Variants in ACOT2 observed in about 807,000 individuals in gnomAD.
The protein encoded by ACOT2 is acyl-CoA thioesterase 2, also known as acyl-coenzyme A thioesterase 2, mitochondrial.
A neutral mutation model predicts 20.1 loss-of-function variants in ACOT2; 15 were observed. The observed-to-expected ratio is 0.75, with a 90% confidence interval of 0.50 to 1.15. ACOT2 has a LOEUF of 1.15. Among genes scored for constraint, ACOT2 ranks in the 50% most tolerant of loss-of-function variants. The probability of loss-of-function intolerance (pLI) is 0.00; values close to 1 mark genes in which losing one functional copy is unlikely to be tolerated. For synonymous variants in ACOT2, 252 were observed against 268.4 expected, an observed-to-expected ratio of 0.94 and a Z score of 0.60; for missense variants, 479 against 615.3, an observed-to-expected ratio of 0.78 and a Z score of 2.34.
chr14:73,573,910 G>A (rs1286498732), intron 2 of ACOT2, among the ~76,000 whole-genome samples: 5 of 151,966 alleles, frequency 3.3e-5, no homozygotes, highest in African/African-American at 9.7e-5. Context: ...TATTTTTAGT[G>A]GAGGCGGGGT....
rs141751909 is a variant in ACOT2, at chr14:73,573,423, G to A, written c.679G>A (p.Gly227Arg). The change falls in exon 2 of 3, where the codon GGA becomes AGA. Residue 227 changes from glycine (G) to arginine (R), a missense_variant. By Grantham distance (125) the Gly-to-Arg change is moderately radical. Around this residue, in one of 4 missense-constraint regions of ACOT2, gnomAD observed 400 missense variants for 395.5 expected, o/e 1.01. Transcript: ENST00000238651. ...GPFPGIVDMF[G>R]TGGGLLEYRA... ...CTTTCCTGGGATTGTGGACATGTTC[G>A]GAACTGGAGGTGGCCTGCTGGAGTA... 3.3e-5 allele frequency: 53 copies of A among 1,613,700 alleles called. 1 individual carries two copies. Among genetic ancestry groups the A allele is most frequent in the African/African-American group, 2.1e-4 (16 of 75,002 alleles).
rs1889804448 is a variant in ACOT2 at position 73,573,393 on chromosome 14, G to C, written c.649G>C (p.Gly217Arg). The C allele has an allele frequency of 1.2e-6, 2 of 1,613,652 alleles. No individual in the cohort carries two copies. Among genetic ancestry groups the C allele is most frequent in the East Asian group, 4.5e-5 (2 of 44,876 alleles). Reference protein sequence around the residue: ...RGTLFLPPEPGPFPGIVDMFG... With the variant: ...RGTLFLPPEPRPFPGIVDMFG... The stretch of plus-strand genomic sequence containing the variant: ...TTGTTTTGTTTCTTCCCAAGAACCT[G>C]GGCCCTTTCCTGGGATTGTGGACAT... The change falls in exon 2 of 3, where the codon GGG becomes CGG. Residue 217 changes from glycine (G) to arginine (R), a missense_variant. Physicochemically the swap from Gly to Arg is moderately radical, Grantham distance 125. Around this residue, in one of 4 missense-constraint regions of ACOT2, gnomAD observed 400 missense variants for 395.5 expected, o/e 1.01. Coordinates refer to ENST00000238651, the MANE Select transcript of ACOT2 (RefSeq NM_006821.6).
At chr14:73,570,337 C>A (rs1889700739) in intron 1 of ACOT2, among the ~76,000 whole-genome samples, 1 of 151,708 alleles carries the variant, frequency 6.6e-6, no homozygotes, top group African/African-American at 2.4e-5. Flanking sequence ...TGGGAAGTCT[C>A]GGCGGGCAGA....
chr14:73,570,303 C>G (rs532423056), intron 1 of ACOT2, among the ~76,000 whole-genome samples: 8 of 151,816 alleles, frequency 5.3e-5, no homozygotes, highest in Non-Finnish European at 8.8e-5. Context: ...GGCGCAGTGG[C>G]TCACGCTTGT....
upstream of ACOT2, chr14:73,568,998 T>C (rs1889651745): frequency 1.9e-6 from 1 of 531,404 alleles, no homozygotes; most frequent in Non-Finnish European, 3.3e-6. Flanking sequence ...GACTGCTAGC[T>C]GCCTGGTTCT....
intron 1 of ACOT2, among the ~76,000 whole-genome samples, chr14:73,572,949 A>G (rs11625677): frequency 4.6e-5 from 7 of 151,406 alleles, no homozygotes; most frequent in Admixed American, 1.3e-4. Context: ...CCCAGCCTGC[A>G]TTATTACTAT....
chr14:73,569,456 G>C lies in ACOT2; in HGVS notation c.216G>C (p.Ala72=). Residue 72 remains alanine, a synonymous_variant, in exon 1 of 3, where the codon GCG becomes GCC. Coordinates refer to ENST00000238651, the MANE Select transcript of ACOT2 (RefSeq NM_006821.6). ...RMAATLILEP[A]GRCCWDEPVR... ...CGGCGACGCTGATCCTGGAGCCTGC[G>C]GGCCGCTGCTGCTGGGACGAACCGG... 6.2e-7 allele frequency: 1 copy of C among 1,613,596 alleles called. No individual in the cohort carries two copies. The highest frequency in any genetic ancestry group is 8.5e-7 in the Non-Finnish European group (1 of 1,179,764).
Position 73,569,772 on chromosome 14 carries a change from C to T in ACOT2, c.532C>T (p.Pro178Ser). Residue 178 changes from proline (P) to serine (S), a missense_variant, in exon 1 of 3, where the codon CCC (proline) becomes TCC (serine). Physicochemically the swap from Pro to Ser is moderately conservative, Grantham distance 74. This residue lies in a region of ACOT2 where 400 missense variants were observed against 395.5 expected (regional missense o/e 1.01). Coordinates refer to ENST00000238651, the MANE Select transcript of ACOT2 (RefSeq NM_006821.6). ...LEVLDGHDPD[P>S]GRLLCQTRHE... is the part of the protein sequence containing the mutation. Reference sequence around the variant, plus strand: ...GGTGCTGGATGGCCACGACCCCGACCCCGGGCGGCTGCTGTGCCAGACGCG... The same window carrying T: ...GGTGCTGGATGGCCACGACCCCGACTCCGGGCGGCTGCTGTGCCAGACGCG... 1.9e-6 allele frequency: 3 copies of T among 1,607,338 alleles called. No homozygotes were observed. In the African/African-American group the frequency reaches 4.0e-5, roughly 21 times the overall value.
chr14:73,573,273 G>A lies in ACOT2; in HGVS notation c.644-115G>A, dbSNP rs959679607. 2.3e-4 allele frequency: 334 copies of A among 1,456,742 alleles called. 2 individuals are homozygous for A. Among genetic ancestry groups the A allele is most frequent in the Non-Finnish European group, 1.4e-4 (148 of 1,039,036 alleles). 90.2% of individuals were successfully genotyped at this position (1,456,742 alleles called of 1,614,324 possible). A position where few individuals can be genotyped will look rare whatever the true frequency, so the allele number is the denominator to read the frequency against. Reference sequence around the variant, plus strand: ...AACAGGTTTTCATTTCTCGTGGGTAGATACCTAGGAGTGGGATTGCTGGGT... The same window carrying A: ...AACAGGTTTTCATTTCTCGTGGGTAAATACCTAGGAGTGGGATTGCTGGGT... On this transcript the variant is annotated intron_variant, in intron 1 of 2. Transcript: ENST00000238651.
chr14:73,569,311 C>T lies in ACOT2; in HGVS notation c.71C>T (p.Ser24Phe). The T allele has an allele frequency of 6.2e-7, 1 of 1,613,970 alleles. No individual in the cohort carries two copies. The highest frequency in any genetic ancestry group is 8.5e-7 in the Non-Finnish European group (1 of 1,179,800). ...VLRSEFKMASSPAVLRASRLY... is the reference protein window; with the variant it reads ...VLRSEFKMASFPAVLRASRLY... ...AGGTCTGAATTCAAAATGGCCTCAT[C>T]TCCTGCTGTCCTTCGAGCGTCCCGG... is the stretch of plus-strand genomic sequence containing the variant. Residue 24 changes from serine to phenylalanine, a missense_variant, in exon 1 of 3, where the codon TCT (serine) becomes TTT (phenylalanine). By Grantham distance (155) the Ser-to-Phe change is radical. Transcript: ENST00000238651.
chr14:73,568,045 G>A (rs1276163592), upstream of ACOT2: 1 of 152,382 alleles, frequency 6.6e-6, no homozygotes, highest in Non-Finnish European at 1.5e-5. Context: ...TCCACCAGAA[G>A]GAACCAATTC....
chr14:73,569,318 T>C lies in ACOT2; in HGVS notation c.78T>C (p.Ala26=), dbSNP rs1889659186. 5.6e-6 allele frequency: 9 copies of C among 1,613,858 alleles called. No individual in the cohort carries two copies. In the South Asian group the frequency reaches 9.9e-5, roughly 18 times the overall value. ...AATTCAAAATGGCCTCATCTCCTGC[T>C]GTCCTTCGAGCGTCCCGGCTGTACC... ...RSEFKMASSP[A]VLRASRLYQW... is the part of the protein sequence containing the mutation. The change falls in exon 1 of 3, where the codon GCT becomes GCC. Residue 26 remains alanine (A), a synonymous_variant. Transcript: ENST00000238651.
chr14:73,573,882 A>G (rs1231528532), intron 2 of ACOT2, among the ~76,000 whole-genome samples: 4 of 151,986 alleles, frequency 2.6e-5, no homozygotes, highest in Admixed American at 6.6e-5. Context: ...ACCTGCCACC[A>G]TGCTTGGCTA....
At chr14:73,571,809 A>G (rs3815273) in intron 1 of ACOT2, 28 of 152,238 alleles carry the variant, frequency 1.8e-4, no homozygotes, top group African/African-American at 6.5e-4. Flanking sequence ...GTATGTTAAG[A>G]TTTATGTAAA....
At chr14:73,570,813 G>A (rs1281273015) in intron 1 of ACOT2, among the ~76,000 whole-genome samples, 2 of 150,538 alleles carry the variant, frequency 1.3e-5, no homozygotes, top group Admixed American at 6.6e-5. Context: ...GTTGAGGCAG[G>A]AGAATCGCTG....
Position 73,574,219 on chromosome 14 carries a change from G to A in ACOT2, c.846+629G>A, listed in dbSNP as rs558547922. 4 of 157,548 alleles carry A rather than the reference G, an allele frequency of 2.5e-5. No individual in the cohort carries two copies. In the South Asian group the frequency reaches 7.2e-4, roughly 28 times the overall value. 9.8% of individuals were successfully genotyped at this position (157,548 alleles called of 1,614,324 possible). On this transcript the variant is annotated intron_variant, in intron 2 of 2. Coordinates refer to ENST00000238651, the MANE Select transcript of ACOT2 (RefSeq NM_006821.6). Reference sequence around the variant, plus strand: ...TTCTATATTACTATATTTCCTGCTAGTAAAGAGATTCGTAGTTGTTATTAT... The same window carrying A: ...TTCTATATTACTATATTTCCTGCTAATAAAGAGATTCGTAGTTGTTATTAT...
chr14:73,574,016 A>T (rs1385469987), intron 2 of ACOT2, among the ~76,000 whole-genome samples: 1 of 147,550 alleles, frequency 6.8e-6, no homozygotes. Context: ...ATGAGCCACT[A>T]TGCCCAGCCT....
Position 73,569,465 on chromosome 14 carries a change from C to T in ACOT2, c.225C>T (p.Cys75=). ...ATLILEPAGR[C]CWDEPVRIAV... ...TGATCCTGGAGCCTGCGGGCCGCTGCTGCTGGGACGAACCGGTGCGAATCG... is the reference window on the plus strand; with the variant it reads ...TGATCCTGGAGCCTGCGGGCCGCTGTTGCTGGGACGAACCGGTGCGAATCG... Residue 75 remains cysteine, a synonymous_variant, in exon 1 of 3, where the codon TGC becomes TGT. Coordinates refer to ENST00000238651, the MANE Select transcript of ACOT2 (RefSeq NM_006821.6). The T allele has an allele frequency of 6.2e-7, 1 of 1,613,450 alleles. No individual in the cohort carries two copies. Among genetic ancestry groups the T allele is most frequent in the Non-Finnish European group, 8.5e-7 (1 of 1,179,736 alleles).
Position 73,575,020 on chromosome 14 carries a change from T to C in ACOT2, c.959T>C (p.Val320Ala). The change falls in exon 3 of 3, where the codon GTG becomes GCG. Residue 320 changes from valine to alanine, a missense_variant. Physicochemically the swap from Val to Ala is moderately conservative, Grantham distance 64. Transcript: ENST00000238651. ...ITAAVVINGS[V>A]ANVGGTLHYK... ...GCTGCTGTCGTCATCAACGGCTCTGTGGCCAATGTTGGGGGAACCTTACAC... is the reference window on the plus strand; with the variant it reads ...GCTGCTGTCGTCATCAACGGCTCTGCGGCCAATGTTGGGGGAACCTTACAC... 6.3e-7 allele frequency: 1 copy of C among 1,594,166 alleles called. No homozygotes were observed. Among genetic ancestry groups the C allele is most frequent in the Non-Finnish European group, 8.6e-7 (1 of 1,167,100 alleles).
Sources: allele counts gnomAD v4.1 joint callset (sites outside exome capture counted in the v4.1 genomes callset), GRCh38; gene constraint gnomAD v4.1.1; regional missense constraint gnomAD v4.1.1; transcripts MANE v1.5; gene names NCBI Gene and HGNC (gene_info 2026-07-23, HGNC 2026-07-21).